CPA3: variants seen among roughly 807,000 people sequenced by gnomAD.
The protein encoded by CPA3 is mast cell carboxypeptidase A.
CPA3 carries 52 observed loss-of-function variants against 55.8 expected under a neutral mutation model. That is an observed-to-expected ratio of 0.93 (90% CI 0.75 to 1.17). The LOEUF (loss-of-function observed/expected upper bound fraction) is 1.17. Among genes scored for constraint, CPA3 ranks in the 50% most tolerant of loss-of-function variants. The pLI, the probability that CPA3 is intolerant of heterozygous loss-of-function variation, is 0.00. For missense variants in CPA3, 547 were observed against 509.1 expected (o/e 1.07, Z -0.72); for synonymous variants, 179 against 171.2 (o/e 1.05, Z -0.36).
chr3:148,876,428 G>C (rs1414602259), intron 3 of CPA3, among the ~76,000 whole-genome samples: 2 of 150,780 alleles, frequency 1.3e-5, no homozygotes, highest in African/African-American at 4.9e-5. Flanking sequence ...CCAGGCTGGA[G>C]TGCAGTGGCA....
chr3:148,892,986 A>T (rs1313833035), intron 10 of CPA3, among the ~76,000 whole-genome samples: 2 of 152,184 alleles, frequency 1.3e-5, no homozygotes, highest in Non-Finnish European at 2.9e-5. Context: ...TATTGTCATC[A>T]GTATCACAAG....
intron 2 of CPA3, among the ~76,000 whole-genome samples, chr3:148,868,283 A>T (rs971526069): frequency 6.6e-6 from 1 of 151,486 alleles, no homozygotes; most frequent in African/African-American, 2.4e-5. Context: ...GGAAAAAAAA[A>T]TCTGCACCTG....
intron 9 of CPA3, among the ~76,000 whole-genome samples, chr3:148,884,887 G>A (rs950159644): frequency 1.3e-5 from 2 of 150,658 alleles, no homozygotes; most frequent in Non-Finnish European, 3.0e-5. Context: ...AAACCACTTT[G>A]AGTAAAATGA....
chr3:148,883,030 C>A (rs147299525), intron 8 of CPA3, among the ~76,000 whole-genome samples: 12 of 152,292 alleles, frequency 7.9e-5, no homozygotes, highest in Non-Finnish European at 1.5e-5. Flanking sequence ...TAAGCAGAGG[C>A]CTGCTACATC....
intron 10 of CPA3, among the ~76,000 whole-genome samples, chr3:148,894,615 C>T (rs746022892): frequency 6.6e-6 from 1 of 151,588 alleles, no homozygotes; most frequent in African/African-American, 2.4e-5. Flanking sequence ...AATATAACAA[C>T]ACAGATAAGT....
At chr3:148,872,420 A>C (rs1360275475) in intron 3 of CPA3, among the ~76,000 whole-genome samples, 1 of 152,198 alleles carries the variant, frequency 6.6e-6, no homozygotes, top group Non-Finnish European at 1.5e-5. Context: ...TTGTTAATGA[A>C]AGGTAACTCA....
Position 148,896,758 on chromosome 3 carries a change from C to T in CPA3, c.*51C>T. The T allele has an allele frequency of 7.3e-7, 1 of 1,372,254 alleles. No individual in the cohort carries two copies. Among genetic ancestry groups the T allele is most frequent in the Non-Finnish European group, 9.7e-7 (1 of 1,026,598 alleles). 85.0% of individuals were successfully genotyped at this position (1,372,254 alleles called of 1,614,324 possible). A position where few individuals can be genotyped will look rare whatever the true frequency, so the allele number is the denominator to read the frequency against. ...CCAATTAATCCTTTTTTGTGCCTTT[C>T]ATCAGAAAGTCAATCTTCAGTTATC... is the stretch of plus-strand genomic sequence containing the variant. On this transcript the variant is annotated 3_prime_UTR_variant, in exon 11 of 11. Transcript: ENST00000296046.
chr3:148,888,744 A>C (rs1282134466), intron 10 of CPA3, among the ~76,000 whole-genome samples: 1 of 152,254 alleles, frequency 6.6e-6, no homozygotes, highest in Non-Finnish European at 1.5e-5. Context: ...CAATTAAAGC[A>C]TCAAATAATT....
intron 2 of CPA3, among the ~76,000 whole-genome samples, chr3:148,866,030 A>G (rs1167569663): frequency 1.3e-5 from 2 of 152,240 alleles, no homozygotes; most frequent in African/African-American, 4.8e-5. Flanking sequence ...TTTAAAATCC[A>G]ACAGCCTAAT....
At chr3:148,888,939 T>C (rs780612507) in intron 10 of CPA3, among the ~76,000 whole-genome samples, 15 of 152,192 alleles carry the variant, frequency 9.9e-5, no homozygotes, top group Non-Finnish European at 1.9e-4. Context: ...ACATTCTAAG[T>C]GGAAGGAGCG....
chr3:148,869,149 AAAGCTCTTTCTGT>A (rs1410072791), intron 3 of CPA3, 110 bp downstream of exon 3: 18 of 1,247,516 alleles, frequency 1.4e-5, no homozygotes, highest in Non-Finnish European at 1.9e-5. Context: ...CCCCAGAACG[AAAGCTCTTTCTGT>A]AAGATACAGA....
intron 10 of CPA3, among the ~76,000 whole-genome samples, chr3:148,893,014 G>A (rs1714719323): frequency 6.6e-6 from 1 of 151,890 alleles, no homozygotes; most frequent in Non-Finnish European, 1.5e-5. Flanking sequence ...AGTAGGCCAG[G>A]GCCTGTTTAC....
At chr3:148,873,741 T>G (rs1206584394) in intron 3 of CPA3, among the ~76,000 whole-genome samples, 1 of 152,204 alleles carries the variant, frequency 6.6e-6, no homozygotes, top group African/African-American at 2.4e-5. Context: ...TTCTGTATTT[T>G]AACAGTTGTG....
intron 2 of CPA3, among the ~76,000 whole-genome samples, chr3:148,868,682 TA>T (rs375251241): frequency 1.5e-3 from 221 of 143,518 alleles, no homozygotes; most frequent in Middle Eastern, 3.6e-3. Flanking sequence ...CTGAAGTCCT[TA>T]AAAAAAAAAA....
rs1350964672 is a variant in CPA3, at chr3:148,868,920, C to T, written c.150C>T (p.Asp50=). Residue 50 remains aspartate (D), a synonymous_variant, in exon 3 of 11, where the codon GAC becomes GAT. Transcript: ENST00000296046. The part of the protein sequence containing the change: ...IKDLAKTNEL[D]FWYPGATHHV... Reference sequence around the variant, plus strand: ...CATTGAGCTTATCTCTGCAGCTTGACTTCTGGTATCCAGGTGCCACCCACC... The same window carrying T: ...CATTGAGCTTATCTCTGCAGCTTGATTTCTGGTATCCAGGTGCCACCCACC... 1 of 1,613,570 alleles carries T rather than the reference C, an allele frequency of 6.2e-7. No individual in the cohort carries two copies. The highest frequency in any genetic ancestry group is 1.1e-5 in the South Asian group (1 of 91,002).
chr3:148,883,172 G>A (rs973380778), intron 8 of CPA3, among the ~76,000 whole-genome samples: 3 of 152,134 alleles, frequency 2.0e-5, no homozygotes, highest in Non-Finnish European at 2.9e-5. Flanking sequence ...GCTTTTAACT[G>A]TATTCTACCA....
chr3:148,882,622 A>T (rs1198815678), intron 8 of CPA3, 27 bp downstream of exon 8: 1 of 1,578,520 alleles, frequency 6.3e-7, no homozygotes, highest in Non-Finnish European at 8.7e-7. Context: ...CTATCAAGGA[A>T]AATTGCTATA....
In CPA3 at chr3:148,879,794, G is replaced by A. The variant is rs2108034050; in HGVS notation, c.481G>A (p.Glu161Lys). 4 of 1,602,884 alleles carry A rather than the reference G, an allele frequency of 2.5e-6. No individual in the cohort carries two copies. Among genetic ancestry groups the A allele is most frequent in the Middle Eastern group, 1.7e-4 (1 of 6,036 alleles). ...DNPLYVLKIG[E>K]KNERRKAIFT... ...CAAGTTTACTTTTAAATAGATTGGG[G>A]AAAAGAATGAAAGAAGAAAGGCTAT... Residue 161 changes from glutamate to lysine, a missense_variant, in exon 6 of 11, where the codon GAA becomes AAA. Coordinates refer to ENST00000296046, the MANE Select transcript of CPA3 (RefSeq NM_001870.4).
intron 3 of CPA3, among the ~76,000 whole-genome samples, chr3:148,876,958 G>C (rs1714222222): frequency 6.6e-6 from 1 of 152,140 alleles, no homozygotes; most frequent in South Asian, 2.1e-4. Flanking sequence ...AACCTTCTGA[G>C]CACTAACTTC....
Sources: gnomAD v4.1 joint callset for allele counts (sites outside exome capture counted in the v4.1 genomes callset) on GRCh38, gnomAD v4.1.1 for gene constraint, MANE v1.5 for transcripts, NCBI Gene and HGNC (gene_info 2026-07-23, HGNC 2026-07-21) for gene names.